RBFOX1: variants seen among roughly 807,000 people sequenced by gnomAD.
The protein encoded by RBFOX1 is RNA binding protein fox-1 homolog 1.
In RBFOX1, 8 loss-of-function variants were observed where a neutral mutation model predicts 57.7. That is an observed-to-expected ratio of 0.14 (90% CI 0.08 to 0.25). The LOEUF (loss-of-function observed/expected upper bound fraction) is 0.25. RBFOX1 is among the 10% of genes least tolerant of loss of function. The pLI is 1.00. For missense variants in RBFOX1, 611 were observed against 548.5 expected (o/e 1.11, Z -1.14); for synonymous variants, 326 against 222.4 (o/e 1.47, Z -4.15).
At chr16:5,623,385 GAACAA>G (rs1256170791) in intron 3 of RBFOX1, among the ~76,000 whole-genome samples, 3 of 152,128 alleles carry the variant, frequency 2.0e-5, no homozygotes, top group Non-Finnish European at 2.9e-5. Context: ...GTACTGCACT[GAACAA>G]AACAAAACAG....
intron 3 of RBFOX1, among the ~76,000 whole-genome samples, chr16:6,939,580 C>T (rs988086434): frequency 6.7e-6 from 1 of 149,028 alleles, no homozygotes; most frequent in Admixed American, 6.8e-5. Flanking sequence ...GGAGTGATTT[C>T]AGCTCACTGC....
At chr16:6,926,118 C>T (rs2075539114) in intron 3 of RBFOX1, among the ~76,000 whole-genome samples, 1 of 151,740 alleles carries the variant, frequency 6.6e-6, no homozygotes, top group South Asian at 2.1e-4. Flanking sequence ...CCAGCCTGGC[C>T]AACATGATGA....
At chr16:6,663,949 A>G (rs1237132252) in intron 3 of RBFOX1, among the ~76,000 whole-genome samples, 1 of 152,214 alleles carries the variant, frequency 6.6e-6, no homozygotes, top group African/African-American at 2.4e-5. Context: ...AGCTCAAAGC[A>G]GGCAAAGGCT....
intron 3 of RBFOX1, among the ~76,000 whole-genome samples, chr16:5,683,591 A>G (rs1293105224): frequency 1.3e-5 from 2 of 152,010 alleles, no homozygotes; most frequent in African/African-American, 2.4e-5. Flanking sequence ...TCTTTCTCCC[A>G]TGCTGGATGC....
intron 3 of RBFOX1, among the ~76,000 whole-genome samples, chr16:7,041,506 C>T (rs528028648): frequency 6.6e-6 from 1 of 152,222 alleles, no homozygotes; most frequent in South Asian, 2.1e-4. Context: ...AAGCGCTGTC[C>T]TTACTTCCTC....
At chr16:7,560,855 C>A (rs1272719833) in intron 5 of RBFOX1, among the ~76,000 whole-genome samples, 1 of 152,212 alleles carries the variant, frequency 6.6e-6, no homozygotes, top group East Asian at 1.9e-4. Flanking sequence ...CTGAGCTCTG[C>A]TAATGTGTGA....
intron 1 of RBFOX1, among the ~76,000 whole-genome samples, chr16:6,211,778 C>T (rs769934817): frequency 1.3e-5 from 2 of 151,798 alleles, no homozygotes; most frequent in East Asian, 1.9e-4. Context: ...AATGTGAAAC[C>T]TATCAAATAA....
At chr16:6,965,511 AT>A (rs2083940914) in intron 3 of RBFOX1, among the ~76,000 whole-genome samples, 1 of 151,872 alleles carries the variant, frequency 6.6e-6, no homozygotes, top group Non-Finnish European at 1.5e-5. Flanking sequence ...TAATTTTTGT[AT>A]TTTTAGTAGA....
At chr16:6,987,995 C>T (rs192518455) in intron 3 of RBFOX1, among the ~76,000 whole-genome samples, 21 of 152,072 alleles carry the variant, frequency 1.4e-4, no homozygotes, top group African/African-American at 4.3e-4. Context: ...CTTATATAGT[C>T]GTCATCATGG....
At chr16:6,780,474 ATTTTTATATATATTTATATACAT>A (rs1157257123) in intron 3 of RBFOX1, among the ~76,000 whole-genome samples, 2 of 106,490 alleles carry the variant, frequency 1.9e-5, no homozygotes, top group African/African-American at 3.7e-5. Context: ...ATTTATATAC[ATTTTTATATATATTTATATACAT>A]TTTTATATAT....
rs1306742524 is a variant in RBFOX1, at chr16:7,488,757, A to G, written c.28-29390A>G. Among the ~76,000 whole-genome samples the G allele has an allele frequency of 9.2e-5, 14 of 152,026 alleles. No individual in the cohort carries two copies. The East Asian group carries it at 2.7e-3, about 29-fold the overall frequency. On this transcript the variant is annotated intron_variant, in intron 4 of 15. Transcript: ENST00000550418. ...TCCACCTATCTACTATCTACCTATC[A>G]CTTTATTTGTATATGTATACATCTA...
At chr16:5,949,882 A>G (rs995864191) in intron 4 of RBFOX1, among the ~76,000 whole-genome samples, 9 of 152,300 alleles carry the variant, frequency 5.9e-5, no homozygotes, top group Admixed American at 6.5e-5. Context: ...AGCTCAAGCT[A>G]GAGAGCTTCG....
chr16:6,868,793 T>A (rs895085677), intron 3 of RBFOX1, among the ~76,000 whole-genome samples: 1 of 152,106 alleles, frequency 6.6e-6, no homozygotes, highest in South Asian at 2.1e-4. Flanking sequence ...AGATAGGTAA[T>A]AAGGTTGCAT....
chr16:6,647,310 C>G (rs1326027357), intron 2 of RBFOX1, among the ~76,000 whole-genome samples: 1 of 152,102 alleles, frequency 6.6e-6, no homozygotes, highest in Non-Finnish European at 1.5e-5. Context: ...GTGACGTGAT[C>G]TCAGGGCTCG....
rs189196194 is a variant in RBFOX1, at chr16:7,522,606, C to A, written c.270+4217C>A. On this transcript the variant is annotated intron_variant, in intron 5 of 15. Coordinates refer to ENST00000550418, the MANE Select transcript of RBFOX1 (RefSeq NM_018723.4). ...GATGAGGAGAAAGAAGAGATTGCAT[C>A]TGAGAAGCAAAGAAGTCAGAGAAAG... Among the ~76,000 whole-genome samples the A allele has an allele frequency of 3.9e-5, 6 of 152,212 alleles. No individual in the cohort carries two copies. The East Asian group carries it at 7.8e-4, about 20-fold the overall frequency.
At chr16:6,300,097 A>G (rs996278063) in intron 1 of RBFOX1, among the ~76,000 whole-genome samples, 2 of 152,228 alleles carry the variant, frequency 1.3e-5, no homozygotes, top group African/African-American at 4.8e-5. Context: ...GCACAGGGGA[A>G]CAAATACTGC....
chr16:6,210,762 A>T (rs947613674), intron 1 of RBFOX1, among the ~76,000 whole-genome samples: 5 of 152,156 alleles, frequency 3.3e-5, no homozygotes, highest in African/African-American at 4.8e-5. Context: ...GAAAAAAATT[A>T]AAAAAGGAAT....
intron 5 of RBFOX1, among the ~76,000 whole-genome samples, chr16:7,554,659 T>G (rs1252602266): frequency 6.6e-6 from 1 of 152,166 alleles, no homozygotes; most frequent in Non-Finnish European, 1.5e-5. Context: ...CCTTTTTTTT[T>G]TTAATTTTTT....
At chr16:7,614,476 T>G (rs567252496) in intron 10 of RBFOX1, 2 of 152,338 alleles carry the variant, frequency 1.3e-5, no homozygotes, top group African/African-American at 4.8e-5. Context: ...TGTGGGGTTT[T>G]TTGATCTTCA....
Sources: gnomAD v4.1 joint callset for allele counts (sites outside exome capture counted in the v4.1 genomes callset) on GRCh38, gnomAD v4.1.1 for gene constraint, MANE v1.5 for transcripts, NCBI Gene and HGNC (gene_info 2026-07-23, HGNC 2026-07-21) for gene names.